CLIC4: variants seen among roughly 807,000 people sequenced by gnomAD.
The protein encoded by CLIC4 is chloride intracellular channel protein 4.
In CLIC4, 13 loss-of-function variants were observed where a neutral mutation model predicts 24.6. The observed-to-expected ratio is 0.53, with a 90% confidence interval of 0.34 to 0.84. CLIC4 has a LOEUF of 0.84. Ranked by LOEUF, CLIC4 falls within the 40% of genes least tolerant of loss-of-function variation. CLIC4 has a pLI of 0.01. For missense variants in CLIC4, 227 were observed against 301.7 expected (o/e 0.75, Z 1.83); for synonymous variants, 104 against 111.3 (o/e 0.93, Z 0.41).
chr1:24,786,147 A>C (rs1431852734), intron 1 of CLIC4, among the ~76,000 whole-genome samples: 1 of 152,174 alleles, frequency 6.6e-6, no homozygotes, highest in Non-Finnish European at 1.5e-5. Flanking sequence ...TTACTTTCAG[A>C]TCCTAACTTC....
At chr1:24,761,680 CTG>C (rs1200284857) in intron 1 of CLIC4, among the ~76,000 whole-genome samples, 16 of 152,050 alleles carry the variant, frequency 1.1e-4, no homozygotes, top group Admixed American at 5.2e-4. Flanking sequence ...TAGCCTGGCT[CTG>C]TGGAAAATGA....
At chr1:24,790,124 C>T (rs544237202) in intron 1 of CLIC4, among the ~76,000 whole-genome samples, 2 of 152,260 alleles carry the variant, frequency 1.3e-5, no homozygotes, top group South Asian at 2.1e-4. Context: ...CAGGCTGGAG[C>T]GCAGTGGCGC....
intron 2 of CLIC4, among the ~76,000 whole-genome samples, chr1:24,805,110 AAAAC>A (rs1392945130): frequency 6.8e-6 from 1 of 147,966 alleles, no homozygotes; most frequent in African/African-American, 2.5e-5. Flanking sequence ...AAAAAACACA[AAAAC>A]AAAGACAAAC....
intron 4 of CLIC4, among the ~76,000 whole-genome samples, chr1:24,835,757 G>A (rs1639880184): frequency 6.6e-6 from 1 of 151,978 alleles, no homozygotes; most frequent in Non-Finnish European, 1.5e-5. Flanking sequence ...TAATAGAGGT[G>A]GAAATAGAGG....
intron 1 of CLIC4, among the ~76,000 whole-genome samples, chr1:24,785,762 G>A (rs1271653580): frequency 5.7e-5 from 8 of 140,602 alleles, no homozygotes; most frequent in Non-Finnish European, 4.5e-5. Flanking sequence ...TGAGGCAGGA[G>A]AATTGCTTGA....
intron 1 of CLIC4, among the ~76,000 whole-genome samples, chr1:24,766,050 A>T (rs1638991329): frequency 6.6e-6 from 1 of 151,790 alleles, no homozygotes; most frequent in African/African-American, 2.4e-5. Context: ...TGTTGCCAGG[A>T]TGGAGTGCAG....
chr1:24,777,124 G>A (rs1044421921), intron 1 of CLIC4, among the ~76,000 whole-genome samples: 1 of 152,286 alleles, frequency 6.6e-6, no homozygotes, highest in East Asian at 1.9e-4. Flanking sequence ...GCATGTGTGT[G>A]TGTATTTTGT....
At position 24,745,487 on chromosome 1, in the gene CLIC4, G is replaced by C; in HGVS notation, c.-67G>C. On this transcript the variant is annotated 5_prime_UTR_variant, in exon 1 of 6. Coordinates refer to ENST00000374379, the MANE Select transcript of CLIC4 (RefSeq NM_013943.3). ...ACGGCGGGAACCGGCAGCCGGAGCA[G>C]TCCCGGAGCAGAAGCAGCAGCAGCA... 1 of 1,456,562 alleles carries C rather than the reference G, an allele frequency of 6.9e-7. No homozygotes were observed. Among genetic ancestry groups the C allele is most frequent in the Non-Finnish European group, 9.3e-7 (1 of 1,073,446 alleles). The allele number at this position is 1,456,562 out of a possible 1,614,324, so 90.2% of individuals were successfully genotyped here. A position where few individuals can be genotyped will look rare whatever the true frequency, so the allele number is the denominator to read the frequency against.
At chr1:24,775,224 C>CTTTTTTTTTT in intron 1 of CLIC4, among the ~76,000 whole-genome samples, 22 of 90,648 alleles carry the variant, frequency 2.4e-4, no homozygotes, top group South Asian at 1.3e-3. Context: ...TTCTTTCTTT[C>CTTTTTTTTTT]TTTTTTTTTT....
chr1:24,805,684 G>A (rs1370476849), intron 2 of CLIC4, among the ~76,000 whole-genome samples: 2 of 152,150 alleles, frequency 1.3e-5, no homozygotes, highest in African/African-American at 2.4e-5. Context: ...TTACAGATGG[G>A]TCATCTTCAA....
chr1:24,805,103 A>C (rs867433779), intron 2 of CLIC4, among the ~76,000 whole-genome samples: 15 of 124,678 alleles, frequency 1.2e-4, no homozygotes, highest in Admixed American at 3.1e-4. Context: ...AAAAAAAAAA[A>C]AACACAAAAA....
intron 1 of CLIC4, among the ~76,000 whole-genome samples, chr1:24,761,327 A>G (rs1053880875): frequency 1.1e-4 from 16 of 152,312 alleles, no homozygotes; most frequent in Admixed American, 8.5e-4. Flanking sequence ...TATATCAAAG[A>G]AAAGAACAGG....
intron 2 of CLIC4, among the ~76,000 whole-genome samples, chr1:24,805,106 C>CA (rs1346139781): frequency 1.2e-5 from 1 of 86,870 alleles, no homozygotes; most frequent in Non-Finnish European, 2.4e-5. Flanking sequence ...AAAAAAAAAA[C>CA]ACAAAAACAA....
chr1:24,781,222 T>G (rs1639201485), intron 1 of CLIC4, among the ~76,000 whole-genome samples: 1 of 146,524 alleles, frequency 6.8e-6, no homozygotes, highest in Admixed American at 6.8e-5. Flanking sequence ...GCAACCTCTG[T>G]CTCCCTGGTT....
chr1:24,802,381 A>G (rs540428016), intron 2 of CLIC4, among the ~76,000 whole-genome samples: 1 of 152,174 alleles, frequency 6.6e-6, no homozygotes, highest in Non-Finnish European at 1.5e-5. Flanking sequence ...TTAAGTGTTT[A>G]TATATATAAA....
At chr1:24,751,314 A>C (rs1025755546) in intron 1 of CLIC4, among the ~76,000 whole-genome samples, 1 of 148,306 alleles carries the variant, frequency 6.7e-6, no homozygotes, top group African/African-American at 2.5e-5. Context: ...AGTTCAAGCG[A>C]TTCTCCTGCC....
At chr1:24,798,912 G>A (rs1446272251) in intron 2 of CLIC4, among the ~76,000 whole-genome samples, 2 of 152,276 alleles carry the variant, frequency 1.3e-5, no homozygotes, top group Non-Finnish European at 2.9e-5. Flanking sequence ...CTCCCGAGGT[G>A]CCGGGATTGC....
intron 1 of CLIC4, among the ~76,000 whole-genome samples, chr1:24,766,409 G>A (rs1638996076): frequency 4.0e-5 from 6 of 148,188 alleles, no homozygotes; most frequent in Non-Finnish European, 1.5e-5. Context: ...TAGGAATATA[G>A]GCATGAGCCA....
intron 1 of CLIC4, among the ~76,000 whole-genome samples, chr1:24,771,492 T>G (rs1310176287): frequency 1.3e-5 from 2 of 152,146 alleles, no homozygotes; most frequent in Admixed American, 6.5e-5. Flanking sequence ...ATTATGTTCT[T>G]CTAAAGACTA....
Sources: gnomAD v4.1 joint callset for allele counts (sites outside exome capture counted in the v4.1 genomes callset) on GRCh38, gnomAD v4.1.1 for gene constraint, MANE v1.5 for transcripts, NCBI Gene and HGNC (gene_info 2026-07-23, HGNC 2026-07-21) for gene names.